Variants in ZNF423 observed in about 807,000 individuals in gnomAD.
ZNF423 encodes zinc finger protein 423, also known as Ebf-associated zinc finger protein.
A neutral mutation model predicts 95.8 loss-of-function variants in ZNF423; 12 were observed. That is an observed-to-expected ratio of 0.13 (90% CI 0.08 to 0.20). ZNF423 has a LOEUF of 0.20. ZNF423 is among the 10% of genes least tolerant of loss of function. The probability of loss-of-function intolerance (pLI) is 1.00; values close to 1 mark genes in which losing one functional copy is unlikely to be tolerated. For missense variants in ZNF423, 1,316 were observed against 1,737.1 expected, an observed-to-expected ratio of 0.76 and a Z score of 4.31; for synonymous variants, 749 against 711.9, an observed-to-expected ratio of 1.05 and a Z score of -0.83.
chr16:49,768,979 T>A (rs1382573489), intron 2 of ZNF423, among the ~76,000 whole-genome samples: 2 of 152,180 alleles, frequency 1.3e-5, no homozygotes, highest in Non-Finnish European at 2.9e-5. Flanking sequence ...AGCCACCAGC[T>A]GCCCAGGCCA....
intron 3 of ZNF423, among the ~76,000 whole-genome samples, chr16:49,676,769 C>A (rs2031067288): frequency 6.6e-6 from 1 of 152,208 alleles, no homozygotes; most frequent in African/African-American, 2.4e-5. Flanking sequence ...CTAACTCATG[C>A]CACGGGGCTG....
chr16:49,584,728 A>G (rs1201269140), intron 5 of ZNF423, among the ~76,000 whole-genome samples: 1 of 152,076 alleles, frequency 6.6e-6, no homozygotes, highest in East Asian at 1.9e-4. Flanking sequence ...CTCTCTGTCC[A>G]ATTTTCCTCT....
rs1179694457 is a variant in ZNF423 at position 49,491,050 on chromosome 16, C to T, written c.*225G>A. 1 of 568,264 alleles carries T rather than the reference C, an allele frequency of 1.8e-6. No individual in the cohort carries two copies. The highest frequency in any genetic ancestry group is 3.1e-6 in the Non-Finnish European group (1 of 318,612). 35.2% of individuals were successfully genotyped at this position (568,264 alleles called of 1,614,324 possible). ...CTGCGGCGGAAAGTCTAAAAGCACA[C>T]TAGCTGTAGCAGGACAATAAAAAAT... On this transcript the variant is annotated 3_prime_UTR_variant, in exon 8 of 8. Transcript: ENST00000563137.
At chr16:49,793,475 C>T (rs1177653244) in intron 1 of ZNF423, among the ~76,000 whole-genome samples, 6 of 152,230 alleles carry the variant, frequency 3.9e-5, no homozygotes, top group African/African-American at 7.2e-5. Flanking sequence ...CTCCTCCAGA[C>T]GTCCCTAGCT....
chr16:49,502,441 A>T (rs1321955676), intron 7 of ZNF423, among the ~76,000 whole-genome samples: 2 of 151,754 alleles, frequency 1.3e-5, no homozygotes, highest in African/African-American at 4.8e-5. Flanking sequence ...CTGGGAGACC[A>T]AGGAGCATGT....
intron 1 of ZNF423, among the ~76,000 whole-genome samples, chr16:49,823,052 T>C (rs894891255): frequency 1.3e-5 from 2 of 152,136 alleles, no homozygotes. Flanking sequence ...GACTAATGAC[T>C]CTGGGCAAAG....
chr16:49,570,136 G>GT (rs1970311649), intron 5 of ZNF423, among the ~76,000 whole-genome samples: 1 of 152,198 alleles, frequency 6.6e-6, no homozygotes, highest in Admixed American at 6.5e-5. Context: ...TGGCACACTC[G>GT]TGAGATGCAT....
chr16:49,493,937 C>T (rs975074761), intron 7 of ZNF423, among the ~76,000 whole-genome samples: 1 of 152,146 alleles, frequency 6.6e-6, no homozygotes, highest in African/African-American at 2.4e-5. Flanking sequence ...GTTCCACAGG[C>T]CACAGAAAAC....
At chr16:49,528,257 C>T (rs1400775986) in intron 5 of ZNF423, among the ~76,000 whole-genome samples, 4 of 152,138 alleles carry the variant, frequency 2.6e-5, no homozygotes, top group Non-Finnish European at 4.4e-5. Context: ...AGTCACTTTC[C>T]GTTCTCCGAG....
chr16:49,532,750 C>A (rs2151723414), intron 5 of ZNF423, among the ~76,000 whole-genome samples: 1 of 152,238 alleles, frequency 6.6e-6, no homozygotes, highest in Middle Eastern at 3.4e-3. Flanking sequence ...TTTTTTTGAT[C>A]TGTGGGCCAC....
intron 5 of ZNF423, among the ~76,000 whole-genome samples, chr16:49,537,966 A>G (rs1969112580): frequency 6.6e-6 from 1 of 152,158 alleles, no homozygotes; most frequent in Non-Finnish European, 1.5e-5. Context: ...CCCCATTGCC[A>G]GCTCCCAGAG....
intron 1 of ZNF423, among the ~76,000 whole-genome samples, chr16:49,849,159 T>C (rs1271957437): frequency 6.6e-6 from 1 of 152,138 alleles, no homozygotes; most frequent in African/African-American, 2.4e-5. Flanking sequence ...CGCCTTATGA[T>C]TGGAGTTTGC....
intron 5 of ZNF423, among the ~76,000 whole-genome samples, chr16:49,543,766 G>A (rs1969342471): frequency 6.6e-6 from 1 of 152,196 alleles, no homozygotes; most frequent in African/African-American, 2.4e-5. Flanking sequence ...GTAAACCAGT[G>A]GGAACTCAGG....
In ZNF423 at chr16:49,635,695, G is replaced by A. The variant is rs1972664249; in HGVS notation, c.3481C>T (p.Pro1161Ser). 1 of 1,595,434 alleles carries A rather than the reference G, an allele frequency of 6.3e-7. No individual in the cohort carries two copies. Among genetic ancestry groups the A allele is most frequent in the African/African-American group, 1.3e-5 (1 of 74,190 alleles). ...GGCGATGTCTGGGTGCCTTTCCGGG[G>A]CCCACTGGTCTCCGGCGTGAGGTCA... is the stretch of plus-strand genomic sequence containing the variant. Reference protein sequence around the residue: ...HRDLTPETSGPRKGTQTSPVP... With the variant: ...HRDLTPETSGSRKGTQTSPVP... The change falls in exon 4 of 8, where the codon CCC becomes TCC. Residue 1161 changes from proline to serine, a missense_variant. Physicochemically the swap from Pro to Ser is moderately conservative, Grantham distance 74. Around this residue, in one of 6 missense-constraint regions of ZNF423, gnomAD observed 620 missense variants for 775.6 expected, o/e 0.80. Transcript: ENST00000563137. This position sits in a 1 kb window ranked among gnomAD's most constrained non-coding sequence, Gnocchi z 4.8.
chr16:49,579,256 G>A (rs1597130582), intron 5 of ZNF423, among the ~76,000 whole-genome samples: 1 of 148,922 alleles, frequency 6.7e-6, no homozygotes, highest in Middle Eastern at 3.4e-3. Context: ...GCCCCTGGTG[G>A]TAGCTGCCTA....
rs575061449 is a variant in ZNF423 at position 49,697,165 on chromosome 16, G to A, written c.301+33606C>T. 1.2e-3 allele frequency among the ~76,000 whole-genome samples: 183 copies of A among 152,270 alleles called. 3 individuals carry two copies. Among genetic ancestry groups the A allele is most frequent in the Non-Finnish European group, 2.6e-4 (18 of 68,026 alleles). On this transcript the variant is annotated intron_variant, in intron 3 of 7. Coordinates refer to ENST00000563137, the MANE Select transcript of ZNF423 (RefSeq NM_001379286.1). ...TCAGCCCTCACCAAGGTGGGATGGAGTAGACAGGACAAGTGGTCAGAATAA... is the reference window on the plus strand; with the variant it reads ...TCAGCCCTCACCAAGGTGGGATGGAATAGACAGGACAAGTGGTCAGAATAA...
At chr16:49,622,007 C>A (rs1180004583) in intron 5 of ZNF423, among the ~76,000 whole-genome samples, 1 of 152,236 alleles carries the variant, frequency 6.6e-6, no homozygotes, top group East Asian at 1.9e-4. Flanking sequence ...AGGATATACC[C>A]TGCTCTGAAA....
Position 49,491,298 on chromosome 16 carries a change from T to C in ZNF423, c.3856A>G (p.Thr1286Ala). ...CCTCACTGTGCGTGCTGGCTCATCG[T>C]GTGGTTCTGCAAAGGCGAAGAAAGG... ...FFFQTELQNH[T>A]MSQHAQ The change falls in exon 8 of 8, where the codon ACG becomes GCG. Residue 1286 changes from threonine (T) to alanine (A), a missense_variant. Physicochemically the swap from Thr to Ala is moderately conservative, Grantham distance 58. This residue lies in a region of ZNF423 where 75 missense variants were observed against 163.5 expected (regional missense o/e 0.46). Coordinates refer to ENST00000563137, the MANE Select transcript of ZNF423 (RefSeq NM_001379286.1). 6.2e-7 allele frequency: 1 copy of C among 1,614,078 alleles called. No homozygotes were observed. Among genetic ancestry groups the C allele is most frequent in the Non-Finnish European group, 8.5e-7 (1 of 1,180,030 alleles).
chr16:49,751,124 A>G (rs2033626688), intron 2 of ZNF423, among the ~76,000 whole-genome samples: 1 of 152,128 alleles, frequency 6.6e-6, no homozygotes, highest in Non-Finnish European at 1.5e-5. Flanking sequence ...ACACATGGGA[A>G]CTCCAGACTG....
Sources: allele counts gnomAD v4.1 joint callset (sites outside exome capture counted in the v4.1 genomes callset), GRCh38; gene constraint gnomAD v4.1.1; regional missense constraint gnomAD v4.1.1; non-coding constraint Gnocchi (gnomAD v3.1); transcripts MANE v1.5; gene names NCBI Gene and HGNC (gene_info 2026-07-23, HGNC 2026-07-21).